Variants in COL4A2 observed in about 807,000 individuals in gnomAD.
COL4A2 encodes the protein collagen alpha-2(IV) chain.
In COL4A2, 99 loss-of-function variants were observed where a neutral mutation model predicts 200.2. The observed-to-expected ratio is 0.49, with a 90% confidence interval of 0.42 to 0.58. COL4A2 has a LOEUF of 0.58. Among genes scored for constraint, COL4A2 ranks in the 20% least tolerant of loss-of-function variants. COL4A2 has a pLI of 0.00. For synonymous variants in COL4A2, 897 were observed against 900.6 expected (o/e 1.00, Z 0.07); for missense variants, 1,950 against 2,314.1 (o/e 0.84, Z 3.23).
In COL4A2 at chr13:110,495,324, G is replaced by C. The variant is rs764089587; in HGVS notation, c.3635-18G>C. On this transcript the variant is annotated intron_variant, in intron 39 of 47. Transcript: ENST00000360467. ...GTTGGAAACACCGACATCAGCTGCT[G>C]TTATAACTCTTCCACAGGTTCTGAC... 1.5e-5 allele frequency: 25 copies of C among 1,613,970 alleles called. No homozygotes were observed. The highest frequency in any genetic ancestry group is 1.9e-5 in the Non-Finnish European group (23 of 1,179,990).
At chr13:110,343,525 A>T (rs1432958350) in intron 3 of COL4A2, among the ~76,000 whole-genome samples, 1 of 152,228 alleles carries the variant, frequency 6.6e-6, no homozygotes, top group Non-Finnish European at 1.5e-5. Flanking sequence ...GCAGAAATTC[A>T]GAAATTCTAA....
chr13:110,334,602 T>C (rs1159296492), intron 3 of COL4A2, among the ~76,000 whole-genome samples: 5 of 152,240 alleles, frequency 3.3e-5, no homozygotes, highest in Admixed American at 2.0e-4. Flanking sequence ...GTTTATGAGC[T>C]GAACATATTT....
intron 3 of COL4A2, among the ~76,000 whole-genome samples, chr13:110,340,103 C>G (rs1356758960): frequency 6.6e-6 from 1 of 152,198 alleles, no homozygotes; most frequent in African/African-American, 2.4e-5. Flanking sequence ...GCACCTGGTG[C>G]CCCTGCAGAG....
intron 38 of COL4A2, 53 bp downstream of exon 38, chr13:110,492,230 A>G (rs1883308926): frequency 6.8e-7 from 1 of 1,478,178 alleles, no homozygotes; most frequent in African/African-American, 1.4e-5. Flanking sequence ...TGGGCTGTGC[A>G]GGAGGCACCG....
At position 110,391,960 on chromosome 13, in the gene COL4A2, C is replaced by A. The variant is rs147840986; in HGVS notation, c.181-32774C>A. Among the ~76,000 whole-genome samples the A allele has an allele frequency of 1.1e-4, 17 of 152,268 alleles. No individual in the cohort carries two copies. The East Asian group carries it at 3.3e-3, about 29-fold the overall frequency. ...TCTGCCCCCACGTGTCTTGCACATC[C>A]CAGCAGGTGTCTCCTCTGGGGCCTT... On this transcript the variant is annotated intron_variant, in intron 4 of 47. Coordinates refer to ENST00000360467, the MANE Select transcript of COL4A2 (RefSeq NM_001846.4).
intron 4 of COL4A2, among the ~76,000 whole-genome samples, chr13:110,367,229 T>G (rs969242466): frequency 1.3e-5 from 2 of 152,214 alleles, no homozygotes; most frequent in Admixed American, 6.5e-5. Flanking sequence ...TGAATAACTC[T>G]TAGAGGTTTG....
intron 31 of COL4A2, 138 bp downstream of exon 31, chr13:110,480,528 C>A: frequency 2.3e-6 from 2 of 872,668 alleles, no homozygotes; most frequent in Non-Finnish European, 3.3e-6. Flanking sequence ...GGCCTTGGGA[C>A]TCTCCTGACC....
Position 110,504,090 on chromosome 13 carries a change from G to A in COL4A2, c.4286-58G>A, listed in dbSNP as rs926009660. On this transcript the variant is annotated intron_variant, in intron 44 of 47. Transcript: ENST00000360467. ...TCCTCTTGTGTTCTCTTTGTGGATC[G>A]CCGGCCGTGCCAGGCGTGGTCAGTT... The A allele has an allele frequency of 6.3e-6, 10 of 1,589,010 alleles. No individual in the cohort carries two copies. The Admixed American group carries it at 8.4e-5, about 13-fold the overall frequency.
intron 4 of COL4A2, among the ~76,000 whole-genome samples, chr13:110,367,424 A>G (rs1307177704): frequency 6.6e-6 from 1 of 152,244 alleles, no homozygotes; most frequent in East Asian, 1.9e-4. Flanking sequence ...AAGAAACCGA[A>G]GGTTGGATGA....
chr13:110,489,873 A>T (rs1052620716), intron 36 of COL4A2, 88 bp downstream of exon 36: 2 of 1,392,292 alleles, frequency 1.4e-6, no homozygotes, highest in Non-Finnish European at 2.0e-6. Context: ...GATCAAATTC[A>T]GTAACAACCA....
At chr13:110,314,539 C>T (rs61964285) in intron 3 of COL4A2, among the ~76,000 whole-genome samples, 15,167 of 152,254 alleles carry the variant, frequency 0.1, 940 homozygotes, top group Middle Eastern at 0.23. Context: ...TTTGTGAAGA[C>T]GGGGAGGTTT....
chr13:110,370,458 T>C (rs1192112527), intron 4 of COL4A2, among the ~76,000 whole-genome samples: 2 of 152,204 alleles, frequency 1.3e-5, no homozygotes, highest in African/African-American at 4.8e-5. Context: ...GGTTTCACTG[T>C]GTTGGCCAGG....
At chr13:110,363,674 T>C (rs1877616533) in intron 4 of COL4A2, among the ~76,000 whole-genome samples, 1 of 152,176 alleles carries the variant, frequency 6.6e-6, no homozygotes, top group South Asian at 2.1e-4. Flanking sequence ...ATTGGCAAGA[T>C]ATTCTCTCTA....
intron 16 of COL4A2, among the ~76,000 whole-genome samples, chr13:110,444,891 C>G (rs1482788390): frequency 6.6e-6 from 1 of 152,184 alleles, no homozygotes; most frequent in Non-Finnish European, 1.5e-5. Context: ...TGCTGTGTTG[C>G]CCAGGCTGGA....
In COL4A2 at chr13:110,385,984, C is replaced by A. The variant is rs78525785; in HGVS notation, c.180+28432C>A. Among the ~76,000 whole-genome samples the A allele has an allele frequency of 1.0e-3, 18 of 17,344 alleles. 5 individuals are homozygous for A. The highest frequency in any genetic ancestry group is 2.6e-3 in the African/African-American group (17 of 6,548). The allele number at this position is 17,344 out of a possible 152,430, so 11.4% of individuals were successfully genotyped here. On this transcript the variant is annotated intron_variant, in intron 4 of 47. Coordinates refer to ENST00000360467, the MANE Select transcript of COL4A2 (RefSeq NM_001846.4). Reference sequence around the variant, plus strand: ...GCGTGTGGATGGGCCGTGGTCACAGCGTGTGGATGGGCCGTGGTCACAGCG... The same window carrying A: ...GCGTGTGGATGGGCCGTGGTCACAGAGTGTGGATGGGCCGTGGTCACAGCG...
At chr13:110,393,771 C>A (rs554204542) in intron 4 of COL4A2, among the ~76,000 whole-genome samples, 1 of 152,208 alleles carries the variant, frequency 6.6e-6, no homozygotes, top group East Asian at 1.9e-4. Context: ...CCCGGCTACT[C>A]AGGAGGCGGA....
intron 20 of COL4A2, among the ~76,000 whole-genome samples, chr13:110,451,324 A>G (rs1881531846): frequency 1.3e-5 from 2 of 152,244 alleles, no homozygotes; most frequent in African/African-American, 2.4e-5. Context: ...ATACAGCCCA[A>G]CAAAATTCAT....
chr13:110,461,787 A>G (rs1882034756), intron 22 of COL4A2, among the ~76,000 whole-genome samples: 1 of 152,152 alleles, frequency 6.6e-6, no homozygotes, highest in Non-Finnish European at 1.5e-5. Flanking sequence ...CGCCCACCTC[A>G]GCCTCCCAAA....
intron 37 of COL4A2, among the ~76,000 whole-genome samples, chr13:110,491,548 G>A (rs1328034636): frequency 6.6e-6 from 1 of 152,224 alleles, no homozygotes; most frequent in Admixed American, 6.5e-5. Flanking sequence ...GAATTGGAGA[G>A]AAGCATGGGG....
Sources: allele counts gnomAD v4.1 joint callset (sites outside exome capture counted in the v4.1 genomes callset), GRCh38; gene constraint gnomAD v4.1.1; transcripts MANE v1.5; gene names NCBI Gene and HGNC (gene_info 2026-07-23, HGNC 2026-07-21).